CNTNAP5: variants seen among roughly 807,000 people sequenced by gnomAD.
CNTNAP5 encodes contactin associated protein family member 5.
A neutral mutation model predicts 150.2 loss-of-function variants in CNTNAP5; 72 were observed. The ratio of observed to expected loss-of-function variants is 0.48; its 90% CI spans 0.40 to 0.58. The LOEUF (loss-of-function observed/expected upper bound fraction) is 0.58, where lower values mean the gene tolerates loss of function less well. CNTNAP5 is among the 20% of genes least tolerant of loss of function. CNTNAP5 has a pLI of 0.00. For missense variants in CNTNAP5, 1,636 were observed against 1,626.2 expected, an observed-to-expected ratio of 1.01 and a Z score of -0.10; for synonymous variants, 672 against 619.8, an observed-to-expected ratio of 1.08 and a Z score of -1.25.
chr2:124,556,000 A>T (rs1032033939), intron 10 of CNTNAP5, among the ~76,000 whole-genome samples: 1 of 152,152 alleles, frequency 6.6e-6, no homozygotes, highest in African/African-American at 2.4e-5. Flanking sequence ...AATTATCTTT[A>T]AAAAAAATCT....
chr2:124,155,075 G>GTTT (rs36194209), intron 1 of CNTNAP5, among the ~76,000 whole-genome samples: 47 of 81,312 alleles, frequency 5.8e-4, no homozygotes, highest in African/African-American at 9.2e-4. Flanking sequence ...AACCATTCCC[G>GTTT]TTTTTTTTTT....
chr2:124,221,805 A>C lies in CNTNAP5; in HGVS notation c.183A>C (p.Arg61Ser), dbSNP rs753178503. 6.3e-7 allele frequency: 1 copy of C among 1,599,362 alleles called. No individual in the cohort carries two copies. The highest frequency in any genetic ancestry group is 1.7e-5 in the Admixed American group (1 of 58,968). The change falls in exon 2 of 24, where the codon AGA becomes AGC. Residue 61 changes from arginine to serine, a missense_variant. Transcript: ENST00000682447. Reference protein sequence around the residue: ...GTHSPAQLNWRVGTGGWSPAD... With the variant: ...GTHSPAQLNWSVGTGGWSPAD... ...ACAGCCCAGCTCAACTCAACTGGAG[A>C]GTTGGTAAGTAGGCTGACTGAAATC... is the stretch of plus-strand genomic sequence containing the variant.
intron 12 of CNTNAP5, among the ~76,000 whole-genome samples, chr2:124,615,305 A>T (rs750557866): frequency 6.6e-6 from 1 of 152,260 alleles, no homozygotes; most frequent in Non-Finnish European, 1.5e-5. Flanking sequence ...ATTGAAGTCA[A>T]TCATTCCAAA....
At chr2:124,057,427 A>G (rs1029159053) in intron 1 of CNTNAP5, among the ~76,000 whole-genome samples, 3 of 106,184 alleles carry the variant, frequency 2.8e-5, no homozygotes, top group African/African-American at 3.6e-5. Context: ...GACTGCAGGC[A>G]CCCACCAGCA....
At chr2:124,456,908 G>A (rs1256895436) in intron 6 of CNTNAP5, among the ~76,000 whole-genome samples, 1 of 152,148 alleles carries the variant, frequency 6.6e-6, no homozygotes, top group African/African-American at 2.4e-5. Flanking sequence ...ACATAGAAAA[G>A]TCAACTCAAT....
At chr2:124,578,354 T>C (rs1400064372) in intron 11 of CNTNAP5, among the ~76,000 whole-genome samples, 11 of 146,820 alleles carry the variant, frequency 7.5e-5, no homozygotes, top group African/African-American at 2.8e-4. Context: ...AAAAAGATGC[T>C]GAACATGTGA....
chr2:124,046,361 T>C (rs1681534452), intron 1 of CNTNAP5, among the ~76,000 whole-genome samples: 2 of 150,160 alleles, frequency 1.3e-5, no homozygotes, highest in South Asian at 4.2e-4. Context: ...AATACAGATT[T>C]TGAAGAAATT....
At chr2:124,808,586 CAAAA>C (rs752625317) in intron 19 of CNTNAP5, among the ~76,000 whole-genome samples, 1 of 93,626 alleles carries the variant, frequency 1.1e-5, no homozygotes. Flanking sequence ...AGACTTGGTC[CAAAA>C]AAAAAAAAAA....
At chr2:124,634,582 C>T (rs898132877) in intron 12 of CNTNAP5, among the ~76,000 whole-genome samples, 2 of 152,204 alleles carry the variant, frequency 1.3e-5, no homozygotes, top group African/African-American at 4.8e-5. Flanking sequence ...GATCTTGGTT[C>T]ACAGTAGTGT....
chr2:124,586,464 A>C (rs1266468927), intron 11 of CNTNAP5, among the ~76,000 whole-genome samples: 2 of 152,216 alleles, frequency 1.3e-5, no homozygotes, highest in Non-Finnish European at 2.9e-5. Context: ...TCTGAGCTTC[A>C]GGTTGAGTTG....
At chr2:124,339,295 G>A (rs1689551303) in intron 3 of CNTNAP5, among the ~76,000 whole-genome samples, 1 of 152,120 alleles carries the variant, frequency 6.6e-6, no homozygotes, top group Non-Finnish European at 1.5e-5. Context: ...TTGTCAGGGA[G>A]ACAAATGAAA....
intron 17 of CNTNAP5, among the ~76,000 whole-genome samples, chr2:124,789,253 C>A (rs551890171): frequency 7.2e-5 from 11 of 151,728 alleles, no homozygotes; most frequent in Admixed American, 5.3e-4. Context: ...TGTGTGAGAA[C>A]TTTTTTTTTC....
chr2:124,275,677 T>C (rs941863439), intron 3 of CNTNAP5, among the ~76,000 whole-genome samples: 1 of 152,144 alleles, frequency 6.6e-6, no homozygotes, highest in Non-Finnish European at 1.5e-5. Flanking sequence ...TGGTTTTTCT[T>C]ACATTCTGCC....
At chr2:124,187,390 G>T (rs971555518) in intron 1 of CNTNAP5, among the ~76,000 whole-genome samples, 4 of 152,162 alleles carry the variant, frequency 2.6e-5, no homozygotes, top group South Asian at 4.1e-4. Context: ...GATTTCAGTG[G>T]TTAGATCCAG....
intron 1 of CNTNAP5, among the ~76,000 whole-genome samples, chr2:124,105,594 T>C (rs1164067696): frequency 6.6e-6 from 1 of 152,240 alleles, no homozygotes; most frequent in African/African-American, 2.4e-5. Flanking sequence ...CCTTGCTTTA[T>C]CTAGATTTTT....
intron 19 of CNTNAP5, among the ~76,000 whole-genome samples, chr2:124,828,396 GC>G (rs1238806814): frequency 6.6e-6 from 1 of 151,988 alleles, no homozygotes; most frequent in Admixed American, 6.6e-5. Context: ...CAGGAGAATG[GC>G]GTGAACCTAG....
intron 13 of CNTNAP5, among the ~76,000 whole-genome samples, chr2:124,653,615 A>T (rs1005251097): frequency 1.3e-5 from 2 of 150,696 alleles, no homozygotes; most frequent in African/African-American, 5.0e-5. Context: ...AAAATTAATG[A>T]TTTAGTTTAG....
intron 12 of CNTNAP5, among the ~76,000 whole-genome samples, chr2:124,617,627 C>T (rs962754080): frequency 2.6e-5 from 4 of 152,074 alleles, no homozygotes; most frequent in African/African-American, 4.8e-5. Flanking sequence ...AACTTGTTTA[C>T]GCCTGTAAAG....
intron 12 of CNTNAP5, among the ~76,000 whole-genome samples, chr2:124,624,932 A>G (rs549985242): frequency 7.2e-5 from 11 of 152,204 alleles, no homozygotes; most frequent in Non-Finnish European, 1.0e-4. Flanking sequence ...TGATTTTCTT[A>G]GCAATCCATG....
Sources: gnomAD v4.1 joint callset for allele counts (sites outside exome capture counted in the v4.1 genomes callset) on GRCh38, gnomAD v4.1.1 for gene constraint, MANE v1.5 for transcripts, NCBI Gene and HGNC (gene_info 2026-07-23, HGNC 2026-07-21) for gene names.